ZRANB3: variants seen among roughly 807,000 people sequenced by gnomAD.
The protein encoded by ZRANB3 is DNA annealing helicase and endonuclease ZRANB3.
A neutral mutation model predicts 133.8 loss-of-function variants in ZRANB3; 125 were observed. The observed-to-expected ratio is 0.93, with a 90% CI of 0.81 to 1.08. ZRANB3 has a LOEUF of 1.08. ZRANB3 is among the 50% of genes least tolerant of loss of function. The pLI is 0.00. For missense variants in ZRANB3, 1,229 were observed against 1,275.5 expected (o/e 0.96, Z 0.56); for synonymous variants, 387 against 432.7 (o/e 0.89, Z 1.31).
intron 2 of ZRANB3, among the ~76,000 whole-genome samples, chr2:135,406,816 G>T (rs992409840): frequency 6.6e-5 from 10 of 152,236 alleles, no homozygotes; most frequent in East Asian, 3.9e-4. Context: ...TTGATGGGAT[G>T]TATCTCAAAA....
At chr2:135,315,664 G>A in intron 6 of ZRANB3, 134 bp from the exon 7 acceptor site, 1 of 684,638 alleles carries the variant, frequency 1.5e-6, no homozygotes, top group South Asian at 3.1e-5. Context: ...ATGAATATTA[G>A]TTTCAAAAAG....
chr2:135,419,772 T>C (rs553267866), intron 2 of ZRANB3, among the ~76,000 whole-genome samples: 52 of 151,524 alleles, frequency 3.4e-4, no homozygotes, highest in Non-Finnish European at 7.2e-4. Context: ...ATAGGCAGTG[T>C]ACCCAGAATA....
chr2:135,514,866 T>C (rs1693636216), intron 1 of ZRANB3, among the ~76,000 whole-genome samples: 1 of 152,228 alleles, frequency 6.6e-6, no homozygotes, highest in South Asian at 2.1e-4. Flanking sequence ...TTGAATTTTA[T>C]GGAAGGCCTT....
In ZRANB3 at chr2:135,347,622, G is replaced by A. The variant is rs921605591; in HGVS notation, c.592-1987C>T. Among the ~76,000 whole-genome samples the A allele has an allele frequency of 5.9e-5, 9 of 152,122 alleles. 1 individual carries two copies. The East Asian group carries it at 7.7e-4, about 13-fold the overall frequency. On this transcript the variant is annotated intron_variant, in intron 5 of 20. Coordinates refer to ENST00000264159, the MANE Select transcript of ZRANB3 (RefSeq NM_032143.4). ...TGGGTATATACCTAAGAATAAAATC[G>A]CTGGGTCATACAGTAACATTTTAAG...
At chr2:135,253,991 C>G (rs1165183914) in intron 12 of ZRANB3, among the ~76,000 whole-genome samples, 7 of 152,216 alleles carry the variant, frequency 4.6e-5, no homozygotes, top group African/African-American at 1.4e-4. Context: ...AGAATCAGGT[C>G]TCACTTTTTG....
intron 6 of ZRANB3, among the ~76,000 whole-genome samples, chr2:135,316,509 T>G (rs1683258459): frequency 6.6e-6 from 1 of 152,210 alleles, no homozygotes; most frequent in Middle Eastern, 3.2e-3. Context: ...TAGGTTGGAT[T>G]ATGATTACTA....
At chr2:135,519,198 T>C (rs1693818095) in intron 1 of ZRANB3, among the ~76,000 whole-genome samples, 1 of 152,204 alleles carries the variant, frequency 6.6e-6, no homozygotes, top group Non-Finnish European at 1.5e-5. Flanking sequence ...CTATTTTGAC[T>C]GTGTCAATAT....
At chr2:135,282,113 CTT>C (rs1304253189) in intron 8 of ZRANB3, among the ~76,000 whole-genome samples, 6 of 152,266 alleles carry the variant, frequency 3.9e-5, no homozygotes, top group South Asian at 2.1e-4. Flanking sequence ...GATATACTCT[CTT>C]ATTTTTATTC....
intron 3 of ZRANB3, among the ~76,000 whole-genome samples, chr2:135,367,586 T>TA (rs1243804206): frequency 4.0e-5 from 6 of 151,754 alleles, no homozygotes; most frequent in African/African-American, 7.3e-5. Context: ...ATCTAGAACC[T>TA]AAAAAAAATA....
chr2:135,292,030 A>G (rs1681771235), intron 8 of ZRANB3, among the ~76,000 whole-genome samples: 1 of 152,152 alleles, frequency 6.6e-6, no homozygotes, highest in African/African-American at 2.4e-5. Context: ...AGTCTTTGCT[A>G]TTGTGAATAG....
chr2:135,433,243 C>T (rs1409530633), intron 2 of ZRANB3, among the ~76,000 whole-genome samples: 1 of 151,900 alleles, frequency 6.6e-6, no homozygotes, highest in African/African-American at 2.4e-5. Context: ...AAAAATTAGC[C>T]AGGTGTGGTG....
At chr2:135,508,634 G>A (rs1693305671) in intron 1 of ZRANB3, among the ~76,000 whole-genome samples, 1 of 151,994 alleles carries the variant, frequency 6.6e-6, no homozygotes, top group Admixed American at 6.6e-5. Flanking sequence ...CAGATATTTG[G>A]ATAAATAAAG....
rs187277756 is a variant in ZRANB3, at chr2:135,411,157, T to G, written c.162-20337A>C. ...TGGGGGCTGAGGTGGGAAGACTGCT[T>G]GAGCCCCAGAGGTTGAGACTGTGGT... On this transcript the variant is annotated intron_variant, in intron 2 of 20. Coordinates refer to ENST00000264159, the MANE Select transcript of ZRANB3 (RefSeq NM_032143.4). 4.2e-3 allele frequency among the ~76,000 whole-genome samples: 645 copies of G among 152,224 alleles called. 16 individuals carry two copies. The Middle Eastern group carries it at 0.12, about 29-fold the overall frequency.
chr2:135,416,255 C>A (rs1688568604), intron 2 of ZRANB3, among the ~76,000 whole-genome samples: 1 of 152,074 alleles, frequency 6.6e-6, no homozygotes, highest in African/African-American at 2.4e-5. Context: ...GCAACTTCAG[C>A]AAAGTCTCAG....
chr2:135,341,933 T>G (rs1284681628), intron 6 of ZRANB3, among the ~76,000 whole-genome samples: 3 of 150,046 alleles, frequency 2.0e-5, no homozygotes, highest in Admixed American at 6.6e-5. Context: ...GGGTGCACAG[T>G]GGGACATGAA....
intron 2 of ZRANB3, among the ~76,000 whole-genome samples, chr2:135,483,039 T>C (rs1405527008): frequency 1.3e-5 from 2 of 152,180 alleles, no homozygotes; most frequent in Admixed American, 1.3e-4. Context: ...TTGAGGATTT[T>C]TGCATCAATG....
At chr2:135,304,428 C>A (rs995727899) in intron 8 of ZRANB3, among the ~76,000 whole-genome samples, 11 of 152,040 alleles carry the variant, frequency 7.2e-5, no homozygotes, top group African/African-American at 2.7e-4. Flanking sequence ...TGCTGGTATA[C>A]TTTTTTACAT....
Position 135,262,138 on chromosome 2 carries a change from G to A in ZRANB3, c.1539+3396C>T, listed in dbSNP as rs578116526. Among the ~76,000 whole-genome samples, 235 of 117,058 alleles carry A rather than the reference G, an allele frequency of 2.0e-3. 2 individuals are homozygous for A. Among genetic ancestry groups the A allele is most frequent in the Non-Finnish European group, 2.6e-3 (163 of 61,738 alleles). The allele number at this position is 117,058 out of a possible 152,430, so 76.8% of individuals were successfully genotyped here. A position where few individuals can be genotyped will look rare whatever the true frequency, so the allele number is the denominator to read the frequency against. On this transcript the variant is annotated intron_variant, in intron 12 of 20. Coordinates refer to ENST00000264159, the MANE Select transcript of ZRANB3 (RefSeq NM_032143.4). Reference sequence around the variant, plus strand: ...TTGTGCCACTGCACTCCAGCCTGGCGACAGAGTGAGACTCCATCTCCAAAA... The same window carrying A: ...TTGTGCCACTGCACTCCAGCCTGGCAACAGAGTGAGACTCCATCTCCAAAA...
At chr2:135,301,940 C>T (rs576949931) in intron 8 of ZRANB3, among the ~76,000 whole-genome samples, 1 of 152,288 alleles carries the variant, frequency 6.6e-6, no homozygotes, top group African/African-American at 2.4e-5. Flanking sequence ...TAAATATGTA[C>T]TGAATTAATA....
Sources: gnomAD v4.1 joint callset for allele counts (sites outside exome capture counted in the v4.1 genomes callset) on GRCh38, gnomAD v4.1.1 for gene constraint, MANE v1.5 for transcripts, NCBI Gene and HGNC (gene_info 2026-07-23, HGNC 2026-07-21) for gene names.